Variants in PDE1C observed in about 807,000 individuals in gnomAD.
PDE1C encodes dual specificity calcium/calmodulin-dependent 3',5'-cyclic nucleotide phosphodiesterase 1C.
A neutral mutation model predicts 93.1 loss-of-function variants in PDE1C; 62 were observed. The observed-to-expected ratio is 0.67, with a 90% CI of 0.54 to 0.82. The LOEUF (loss-of-function observed/expected upper bound fraction) is 0.82, where lower values mean the gene tolerates loss of function less well. Among genes scored for constraint, PDE1C ranks in the 40% least tolerant of loss-of-function variants. The pLI, the probability that PDE1C is intolerant of heterozygous loss-of-function variation, is 0.00. For synonymous variants in PDE1C, 325 were observed against 310.1 expected (o/e 1.05, Z -0.50); for missense variants, 742 against 884.6 (o/e 0.84, Z 2.04).
chr7:32,004,890 A>G (rs568726642), intron 2 of PDE1C, among the ~76,000 whole-genome samples: 32 of 152,370 alleles, frequency 2.1e-4, no homozygotes, highest in Admixed American at 3.3e-4. Context: ...ATATTTGAAG[A>G]GCCACTTGTG....
intron 1 of PDE1C, among the ~76,000 whole-genome samples, chr7:32,272,183 G>T (rs1811013845): frequency 6.6e-6 from 1 of 152,192 alleles, no homozygotes; most frequent in African/African-American, 2.4e-5. Context: ...AAACTGCAAT[G>T]GGGCCCGCAG....
intron 2 of PDE1C, among the ~76,000 whole-genome samples, chr7:31,980,699 G>T (rs1812265907): frequency 6.6e-6 from 1 of 152,158 alleles, no homozygotes; most frequent in South Asian, 2.1e-4. Flanking sequence ...AGTCTAAAAT[G>T]GGTCTCACAG....
chr7:31,848,923 C>T (rs955388842), intron 8 of PDE1C, among the ~76,000 whole-genome samples: 2 of 152,154 alleles, frequency 1.3e-5, no homozygotes, highest in Non-Finnish European at 1.5e-5. Flanking sequence ...AACTGTTAGG[C>T]TTAAAATTTT....
chr7:31,842,198 T>G (rs1045944823), intron 9 of PDE1C, among the ~76,000 whole-genome samples: 3 of 152,276 alleles, frequency 2.0e-5, no homozygotes, highest in Admixed American at 1.3e-4. Flanking sequence ...TTACATTTAA[T>G]TAGTTAATAT....
chr7:31,862,313 T>C (rs745856200), intron 7 of PDE1C, among the ~76,000 whole-genome samples: 1 of 152,216 alleles, frequency 6.6e-6, no homozygotes, highest in African/African-American at 2.4e-5. Flanking sequence ...ACAAGAGTAC[T>C]GATACCCTCT....
At chr7:32,155,252 T>C (rs1258124726) in intron 3 of PDE1C, among the ~76,000 whole-genome samples, 23 of 152,194 alleles carry the variant, frequency 1.5e-4, no homozygotes, top group Admixed American at 1.5e-3. Flanking sequence ...TACCAACTGA[T>C]AGTAGGATCT....
At chr7:32,265,261 A>C (rs1810489276) in intron 1 of PDE1C, among the ~76,000 whole-genome samples, 1 of 152,134 alleles carries the variant, frequency 6.6e-6, no homozygotes, top group South Asian at 2.1e-4. Flanking sequence ...TCAGTTGATG[A>C]GGTTTGAGTG....
At chr7:31,912,642 A>G (rs1302170685) in intron 2 of PDE1C, among the ~76,000 whole-genome samples, 1 of 152,134 alleles carries the variant, frequency 6.6e-6, no homozygotes, top group Non-Finnish European at 1.5e-5. Context: ...AGCTATGATC[A>G]TGCCACTGCA....
intron 3 of PDE1C, among the ~76,000 whole-genome samples, chr7:32,088,503 C>T (rs1034064929): frequency 2.6e-5 from 4 of 152,250 alleles, no homozygotes; most frequent in Non-Finnish European, 5.9e-5. Flanking sequence ...TCCGCCAAGG[C>T]GGCCGGAGCC....
At chr7:32,274,816 G>A (rs1811180794) in intron 1 of PDE1C, among the ~76,000 whole-genome samples, 1 of 152,156 alleles carries the variant, frequency 6.6e-6, no homozygotes, top group South Asian at 2.1e-4. Context: ...CAGAAAAATA[G>A]CTCATCCTGC....
chr7:32,426,449 G>GT (rs543277683), intron 1 of PDE1C, among the ~76,000 whole-genome samples: 410 of 152,064 alleles, frequency 2.7e-3, no homozygotes, highest in Non-Finnish European at 5.2e-3. Flanking sequence ...AGTGTTTTGA[G>GT]TTTTTGGTAG....
chr7:31,635,619 C>G, the PDE1C span, among the ~76,000 whole-genome samples: 3 of 152,018 alleles, frequency 2.0e-5, no homozygotes, highest in Non-Finnish European at 4.4e-5. Flanking sequence ...TTTTAGGGAC[C>G]CTTTGTAGTT....
chr7:31,966,186 C>A (rs181101074), intron 2 of PDE1C, among the ~76,000 whole-genome samples: 2,690 of 152,122 alleles, frequency 0.018, 80 homozygotes, highest in African/African-American at 0.061. Context: ...GAGTCAAGAC[C>A]CATCAGTGTG....
intron 2 of PDE1C, among the ~76,000 whole-genome samples, chr7:32,023,358 T>G: frequency 6.6e-6 from 1 of 152,146 alleles, no homozygotes; most frequent in Non-Finnish European, 1.5e-5. Context: ...TTGGGTTTTC[T>G]CTCTATAGCT....
At chr7:32,327,302 A>G (rs891097232) in intron 1 of PDE1C, among the ~76,000 whole-genome samples, 8 of 152,216 alleles carry the variant, frequency 5.3e-5, no homozygotes, top group Admixed American at 3.3e-4. Flanking sequence ...TCGTAAGTAT[A>G]CAACTTGATC....
the PDE1C span, among the ~76,000 whole-genome samples, chr7:31,677,281 G>T: frequency 1.3e-5 from 2 of 152,048 alleles, no homozygotes; most frequent in African/African-American, 2.4e-5. Context: ...GCACAGAAAA[G>T]AAGAAAAATT....
At chr7:32,425,155 T>G (rs889100645) in intron 1 of PDE1C, among the ~76,000 whole-genome samples, 1 of 151,964 alleles carries the variant, frequency 6.6e-6, no homozygotes, top group East Asian at 1.9e-4. Flanking sequence ...CATCTTGGCT[T>G]ATAAAGTACA....
chr7:32,105,230 C>T (rs2128752051), intron 3 of PDE1C, among the ~76,000 whole-genome samples: 1 of 152,100 alleles, frequency 6.6e-6, no homozygotes, highest in Non-Finnish European at 1.5e-5. Flanking sequence ...AGATAATTTT[C>T]TTTTTTTAAG....
At chr7:31,741,053 C>T in the PDE1C span, among the ~76,000 whole-genome samples, 1 of 71,076 alleles carries the variant, frequency 1.4e-5, no homozygotes, top group Non-Finnish European at 3.2e-5. Context: ...CAGACAAAGA[C>T]CCTGTCTCAA....
Sources: allele counts gnomAD v4.1 joint callset (sites outside exome capture counted in the v4.1 genomes callset), GRCh38; gene constraint gnomAD v4.1.1; transcripts MANE v1.5; gene names NCBI Gene and HGNC (gene_info 2026-07-23, HGNC 2026-07-21).